The following ADH1B variants were observed in gnomAD, a reference collection of about 807,000 sequenced individuals.
ADH1B encodes alcohol dehydrogenase 1B (class I), beta polypeptide.
In ADH1B, 29 loss-of-function variants were observed where a neutral mutation model predicts 34.6. The observed-to-expected ratio is 0.84, with a 90% CI of 0.62 to 1.14. The LOEUF (loss-of-function observed/expected upper bound fraction) is 1.14, where lower values mean the gene tolerates loss of function less well. Among genes scored for constraint, ADH1B ranks in the 50% most tolerant of loss-of-function variants. The probability of loss-of-function intolerance (pLI) is 0.00; values close to 1 mark genes in which losing one functional copy is unlikely to be tolerated. For missense variants in ADH1B, 424 were observed against 468.4 expected (o/e 0.91, Z 0.87); for synonymous variants, 170 against 175.5 (o/e 0.97, Z 0.25).
At chr4:99,311,400 T>G (rs1427945930) in intron 7 of ADH1B, 121 bp downstream of exon 7, 6 of 1,228,136 alleles carry the variant, frequency 4.9e-6, no homozygotes, top group Non-Finnish European at 6.8e-6. Context: ...AATTTATTTT[T>G]GATTTGTTTT....
At chr4:99,318,733 T>C in intron 2 of ADH1B, 52 bp downstream of exon 2, 1 of 1,525,750 alleles carries the variant, frequency 6.6e-7, no homozygotes, top group Admixed American at 1.8e-5. Flanking sequence ...ATTTTTAATG[T>C]TCTCTGAGTT....
intron 8 of ADH1B, among the ~76,000 whole-genome samples, chr4:99,309,401 C>A (rs1489004294): frequency 1.3e-5 from 2 of 152,108 alleles, no homozygotes; most frequent in African/African-American, 2.4e-5. Context: ...AATTTTTAAT[C>A]TTTGCTTATT....
chr4:99,320,984 C>T (rs547052767), intron 1 of ADH1B: 1 of 1,100,798 alleles, frequency 9.1e-7, no homozygotes, highest in Non-Finnish European at 1.2e-6. Flanking sequence ...ATAAAGATAA[C>T]TTGCCATTAA....
At chr4:99,312,100 A>C (rs571815155) in intron 6 of ADH1B, among the ~76,000 whole-genome samples, 1 of 152,316 alleles carries the variant, frequency 6.6e-6, no homozygotes, top group Admixed American at 6.5e-5. Context: ...TTTACATTAA[A>C]ATACACTGAT....
intron 7 of ADH1B, 42 bp from the exon 8 acceptor site, chr4:99,310,945 A>G (rs1269972383): frequency 6.3e-7 from 1 of 1,597,776 alleles, no homozygotes; most frequent in Admixed American, 1.8e-5. Context: ...AGCTAGGGTA[A>G]GTAGGAGAAT....
chr4:99,316,125 G>C lies in ADH1B; in HGVS notation c.348-8C>G, dbSNP rs768520208. ...CCCCGAGGATTGCCTAGACTGGGCAGTGCAATACACAGACACACAAAGGCA... is the reference window on the plus strand; with the variant it reads ...CCCCGAGGATTGCCTAGACTGGGCACTGCAATACACAGACACACAAAGGCA... On this transcript the variant is annotated splice_region_variant and splice_polypyrimidine_tract_variant and intron_variant, in intron 4 of 8. Transcript: ENST00000305046. 5.6e-5 allele frequency: 90 copies of C among 1,614,076 alleles called. No homozygotes were observed. The highest frequency in any genetic ancestry group is 7.0e-5 in the Non-Finnish European group (83 of 1,180,026).
intron 6 of ADH1B, 92 bp downstream of exon 6, chr4:99,313,729 A>G: frequency 6.3e-7 from 1 of 1,590,352 alleles, no homozygotes; most frequent in Non-Finnish European, 8.6e-7. Flanking sequence ...ATCATTAAAA[A>G]TATCCTTTAT....
In ADH1B at chr4:99,313,839, G is replaced by A. The variant is rs904388509; in HGVS notation, c.810C>T (p.Ile270=). ...TACATACCATGGTGTCAAGCCGACC[G>A]ATGACTTCAAACGAAAAATCCACAC... ...DGGVDFSFEV[I]GRLDTMMASL... Residue 270 remains isoleucine, a synonymous_variant, in exon 6 of 9, where the codon ATC becomes ATT. Coordinates refer to ENST00000305046, the MANE Select transcript of ADH1B (RefSeq NM_000668.6). 6.2e-6 allele frequency: 10 copies of A among 1,614,018 alleles called. No homozygotes were observed. The highest frequency in any genetic ancestry group is 2.2e-5 in the East Asian group (1 of 44,888).
chr4:99,312,796 C>T (rs568277576), intron 6 of ADH1B, among the ~76,000 whole-genome samples: 3 of 151,820 alleles, frequency 2.0e-5, no homozygotes, highest in Admixed American at 6.6e-5. Context: ...GAGGCTGCAG[C>T]GAGTTATAAT....
rs992917841 is a variant in ADH1B at position 99,306,178 on chromosome 4, G to A, written c.*1662C>T. On this transcript the variant is annotated 3_prime_UTR_variant, in exon 9 of 9. Coordinates refer to ENST00000305046, the MANE Select transcript of ADH1B (RefSeq NM_000668.6). ...CTGCCACCATGCCTGGCAAATTTTT[G>A]TATTTTTAGTAGAGATGGGGTTTCA... 6.6e-6 allele frequency: 1 copy of A among 152,118 alleles called. No individual in the cohort carries two copies. Among genetic ancestry groups the A allele is most frequent in the African/African-American group, 2.4e-5 (1 of 41,410 alleles). The allele number at this position is 152,118 out of a possible 1,614,324, so 9.4% of individuals were successfully genotyped here.
intron 1 of ADH1B, chr4:99,320,957 A>G (rs1428327722): frequency 8.3e-7 from 1 of 1,199,606 alleles, no homozygotes; most frequent in Non-Finnish European, 1.1e-6. Flanking sequence ...AACACATTTG[A>G]ATTATGGTTT....
chr4:99,313,260 T>A (rs1733795128), intron 6 of ADH1B, among the ~76,000 whole-genome samples: 1 of 152,124 alleles, frequency 6.6e-6, no homozygotes, highest in African/African-American at 2.4e-5. Flanking sequence ...TAATATTGGG[T>A]ACTAGCTATG....
chr4:99,310,054 C>T (rs1233036427), intron 8 of ADH1B, among the ~76,000 whole-genome samples: 1 of 152,136 alleles, frequency 6.6e-6, no homozygotes, highest in Non-Finnish European at 1.5e-5. Context: ...TTAGATATAA[C>T]TGCCTGTTTC....
rs1733806545 is a variant in ADH1B at position 99,313,708 on chromosome 4, A to G, written c.828+113T>C. On this transcript the variant is annotated intron_variant, in intron 6 of 8. Coordinates refer to ENST00000305046, the MANE Select transcript of ADH1B (RefSeq NM_000668.6). ...GCCACATAACAAACAGATGATGGGA[A>G]ATTTCCATTCATCATTAAAAATATC... 9 of 1,558,576 alleles carry G rather than the reference A, an allele frequency of 5.8e-6. No individual in the cohort carries two copies. The Admixed American group carries it at 1.7e-4, about 29-fold the overall frequency.
Position 99,321,356 on chromosome 4 carries a change from C to T in ADH1B, c.-25G>A. On this transcript the variant is annotated 5_prime_UTR_variant, in exon 1 of 9. Transcript: ENST00000305046. ...TGTCGTTTCTGTCTTCTCTGCCCAC[C>T]AGCAGACTGTGAGTCTTTGTGGATT... is the stretch of plus-strand genomic sequence containing the variant. 6.2e-7 allele frequency: 1 copy of T among 1,610,646 alleles called. No homozygotes were observed. The highest frequency in any genetic ancestry group is 8.5e-7 in the Non-Finnish European group (1 of 1,177,716).
At chr4:99,319,229 T>C in intron 1 of ADH1B, 1 of 368,478 alleles carries the variant, frequency 2.7e-6, no homozygotes, top group Non-Finnish European at 5.1e-6. Context: ...AGCTGATATA[T>C]GAAGTTAGAA....
rs368026597 is a variant in ADH1B at position 99,321,309 on chromosome 4, C to A, written c.18+5G>T. 12 of 1,609,600 alleles carry A rather than the reference C, an allele frequency of 7.5e-6. No homozygotes were observed. The African/African-American group carries it at 1.6e-4, about 22-fold the overall frequency. On this transcript the variant is annotated splice_donor_5th_base_variant and intron_variant, in intron 1 of 8. Coordinates refer to ENST00000305046, the MANE Select transcript of ADH1B (RefSeq NM_000668.6). ...ATTACCAACAGTAATATATTTTTTG[C>A]TTACTTTTCCTGCTGTGCTCATGTC...
rs764414006 is a variant in ADH1B at position 99,314,041 on chromosome 4, C to A, written c.608G>T (p.Gly203Val). The A allele has an allele frequency of 6.2e-7, 1 of 1,614,190 alleles. No individual in the cohort carries two copies. The stretch of plus-strand genomic sequence containing the variant: ...GCCCATAACAGCAGATAGGCCGACC[C>A]CTCCCAGGCCAAACACAGCACAGGT... Reference protein sequence around the residue: ...GSTCAVFGLGGVGLSAVMGCK... With the variant: ...GSTCAVFGLGVVGLSAVMGCK... Residue 203 changes from glycine to valine, a missense_variant, in exon 6 of 9, where the codon GGG becomes GTG. Around this residue, in one of 3 missense-constraint regions of ADH1B, gnomAD observed 291 missense variants for 300.4 expected, o/e 0.97. Transcript: ENST00000305046.
intron 3 of ADH1B, 50 bp downstream of exon 3, chr4:99,317,996 G>A: frequency 1.2e-6 from 2 of 1,603,632 alleles, no homozygotes; most frequent in East Asian, 4.5e-5. Context: ...TCCAGGCTGG[G>A]AAATCCTGGA....
Sources: gnomAD v4.1 joint callset for allele counts (sites outside exome capture counted in the v4.1 genomes callset) on GRCh38, gnomAD v4.1.1 for gene constraint, gnomAD v4.1.1 regional missense constraint, MANE v1.5 for transcripts, NCBI Gene and HGNC (gene_info 2026-07-23, HGNC 2026-07-21) for gene names.